The following KIAA1217 variants were observed in gnomAD, a reference collection of about 807,000 sequenced individuals.
The protein encoded by KIAA1217 is sickle tail protein homolog.
In KIAA1217, 88 loss-of-function variants were observed where a neutral mutation model predicts 163.9. The observed-to-expected ratio is 0.54, with a 90% CI of 0.45 to 0.64. KIAA1217 has a LOEUF of 0.64. Ranked by LOEUF, KIAA1217 falls within the 30% of genes least tolerant of loss-of-function variation. KIAA1217 has a pLI of 0.00. For missense variants in KIAA1217, 2,372 were observed against 2,475.0 expected (o/e 0.96, Z 0.88); for synonymous variants, 903 against 923.1 (o/e 0.98, Z 0.39).
chr10:24,123,311 T>C (rs1362265505), intron 2 of KIAA1217, among the ~76,000 whole-genome samples: 2 of 152,186 alleles, frequency 1.3e-5, no homozygotes, highest in Admixed American at 6.6e-5. Context: ...TGTATTTATA[T>C]TGATACCTAT....
At chr10:23,786,210 G>A (rs921945030) in intron 1 of KIAA1217, among the ~76,000 whole-genome samples, 5 of 152,102 alleles carry the variant, frequency 3.3e-5, no homozygotes, top group Non-Finnish European at 5.9e-5. Context: ...AGCTGAAAGA[G>A]TCTAGGAAGG....
intron 5 of KIAA1217, chr10:24,449,830 A>G: frequency 1.2e-6 from 1 of 805,612 alleles, no homozygotes; most frequent in Non-Finnish European, 1.5e-6. Context: ...TGGCACGTTT[A>G]TCTTTCATTA....
At chr10:24,497,668 C>T (rs574971016) in intron 8 of KIAA1217, among the ~76,000 whole-genome samples, 2 of 150,316 alleles carry the variant, frequency 1.3e-5, no homozygotes, top group South Asian at 2.1e-4. Flanking sequence ...TGCAGTAAGC[C>T]GAGATCAAGC....
At chr10:24,040,673 A>AT (rs941889005) in intron 2 of KIAA1217, among the ~76,000 whole-genome samples, 11 of 152,202 alleles carry the variant, frequency 7.2e-5, no homozygotes, top group African/African-American at 1.2e-4. Flanking sequence ...TTACTCCCAC[A>AT]TTTTTTCCTC....
At chr10:23,765,468 C>T (rs1333897091) in intron 1 of KIAA1217, among the ~76,000 whole-genome samples, 9 of 152,042 alleles carry the variant, frequency 5.9e-5, no homozygotes, top group African/African-American at 1.9e-4. Context: ...CCACCACGCC[C>T]GGTCTTTTGT....
chr10:24,473,702 C>T lies in KIAA1217; in HGVS notation c.1321C>T (p.Gln441Ter). ...GAGTGCTTATTGTAACCCCTCAATG[C>T]AAGCGGAAATGCATATGGAACAATC... ...SASAYCNPSM[Q>*]AEMHMEQSLY... Residue 441 changes from glutamine to a stop codon, truncating the protein, a stop_gained, in exon 6 of 21, where the codon CAA (glutamine) becomes TAA (stop). Coordinates refer to ENST00000376454, the MANE Select transcript of KIAA1217 (RefSeq NM_019590.5). LOFTEE classifies it high-confidence loss of function. 1 of 1,614,046 alleles carries T rather than the reference C, an allele frequency of 6.2e-7. No homozygotes were observed. Among genetic ancestry groups the T allele is most frequent in the Non-Finnish European group, 8.5e-7 (1 of 1,180,016 alleles).
chr10:24,113,309 G>A lies in KIAA1217; in HGVS notation c.-171+105935G>A, dbSNP rs559407283. ...TTCACAATTTAAGGTTATAACTAAT[G>A]TGCCCAAGTCCATTCCTGGTAAGCA... On this transcript the variant is annotated intron_variant, in intron 2 of 18. Transcript: ENST00000376462. Among the ~76,000 whole-genome samples, 3 of 152,252 alleles carry A rather than the reference G, an allele frequency of 2.0e-5. No individual in the cohort carries two copies. The South Asian group carries it at 6.2e-4, about 32-fold the overall frequency.
Position 24,290,586 on chromosome 10 carries a change from A to G in KIAA1217, c.354+70677A>G, listed in dbSNP as rs533701830. On this transcript the variant is annotated intron_variant, in intron 2 of 20. Coordinates refer to ENST00000376454, the MANE Select transcript of KIAA1217 (RefSeq NM_019590.5). ...AACAGGAAGAGAGTTTCAACAAAGCATAATATAAACAGATGTCTCTCTTTT... is the reference window on the plus strand; with the variant it reads ...AACAGGAAGAGAGTTTCAACAAAGCGTAATATAAACAGATGTCTCTCTTTT... Among the ~76,000 whole-genome samples the G allele has an allele frequency of 2.0e-5, 3 of 151,796 alleles. No homozygotes were observed. The South Asian group carries it at 6.2e-4, about 32-fold the overall frequency.
At chr10:23,696,296 C>T (rs552879544) in intron 1 of KIAA1217, among the ~76,000 whole-genome samples, 1 of 152,330 alleles carries the variant, frequency 6.6e-6, no homozygotes, top group African/African-American at 2.4e-5. Context: ...CCTGCTCTCA[C>T]CTGGGGAGGG....
intron 4 of KIAA1217, among the ~76,000 whole-genome samples, chr10:24,437,831 C>G (rs1308608301): frequency 1.7e-5 from 2 of 115,648 alleles, no homozygotes; most frequent in Non-Finnish European, 3.4e-5. Context: ...GATATTAGAT[C>G]TTTTTGGTAC....
At chr10:23,847,083 G>A (rs1221556108) in intron 1 of KIAA1217, among the ~76,000 whole-genome samples, 2 of 152,140 alleles carry the variant, frequency 1.3e-5, no homozygotes, top group Non-Finnish European at 2.9e-5. Flanking sequence ...CAGGTATGAA[G>A]CCAACTTGAT....
At position 23,832,456 on chromosome 10, in the gene KIAA1217, G is replaced by C. The variant is rs113645359; in HGVS notation, c.-321+137222G>C. 5.2e-3 allele frequency among the ~76,000 whole-genome samples: 793 copies of C among 152,192 alleles called. 11 individuals are homozygous for C. The highest frequency in any genetic ancestry group is 0.017 in the African/African-American group (716 of 41,524). On this transcript the variant is annotated intron_variant, in intron 1 of 18. Coordinates refer to the KIAA1217 transcript ENST00000376462. ...TTTTATGGAGACTTCATTGCATAAG[G>C]ATGTTTGATTACATCACTGGCCATT...
At position 24,200,438 on chromosome 10, in the gene KIAA1217, T is replaced by A. The variant is rs563756472; in HGVS notation, c.-170-19188T>A. Among the ~76,000 whole-genome samples, 3 of 151,912 alleles carry A rather than the reference T, an allele frequency of 2.0e-5. No individual in the cohort carries two copies. The East Asian group carries it at 5.8e-4, about 30-fold the overall frequency. ...ATGTAGCTAAGACTACAGACAAGAG[T>A]CACCAAGCCACCATGCCACTGAGCC... On this transcript the variant is annotated intron_variant, in intron 2 of 18. Coordinates refer to the KIAA1217 transcript ENST00000376462.
At chr10:24,198,671 T>G (rs2067106292) in intron 2 of KIAA1217, among the ~76,000 whole-genome samples, 1 of 151,446 alleles carries the variant, frequency 6.6e-6, no homozygotes, top group Non-Finnish European at 1.5e-5. Flanking sequence ...ATAAAGCTAG[T>G]CTTACTCCTT....
At chr10:23,824,775 G>A (rs1385946368) in intron 1 of KIAA1217, among the ~76,000 whole-genome samples, 2 of 149,904 alleles carry the variant, frequency 1.3e-5, no homozygotes, top group Non-Finnish European at 3.0e-5. Flanking sequence ...TTAACTGAAG[G>A]TCCTGTGGTG....
intron 2 of KIAA1217, among the ~76,000 whole-genome samples, chr10:24,327,307 T>C (rs576904942): frequency 6.6e-6 from 1 of 152,314 alleles, no homozygotes; most frequent in Admixed American, 6.5e-5. Flanking sequence ...AATTATGTTA[T>C]CTAAGTGAAA....
At chr10:24,067,398 T>C (rs2060995883) in intron 2 of KIAA1217, among the ~76,000 whole-genome samples, 1 of 152,238 alleles carries the variant, frequency 6.6e-6, no homozygotes, top group Admixed American at 6.5e-5. Context: ...TGGAGTTTAC[T>C]GGAGGTCCAC....
At chr10:23,740,210 G>A (rs1436472374) in intron 1 of KIAA1217, among the ~76,000 whole-genome samples, 1 of 152,128 alleles carries the variant, frequency 6.6e-6, no homozygotes, top group Non-Finnish European at 1.5e-5. Flanking sequence ...GCAAAGGAGG[G>A]AGTGCTGATA....
intron 5 of KIAA1217, among the ~76,000 whole-genome samples, chr10:24,464,616 G>C (rs1285362684): frequency 6.6e-6 from 1 of 152,072 alleles, no homozygotes; most frequent in Non-Finnish European, 1.5e-5. Context: ...CTCCCAAGTA[G>C]CTGGGAACAC....
Sources: gnomAD v4.1 joint callset for allele counts (sites outside exome capture counted in the v4.1 genomes callset) on GRCh38, gnomAD v4.1.1 for gene constraint, MANE v1.5 for transcripts, NCBI Gene and HGNC (gene_info 2026-07-23, HGNC 2026-07-21) for gene names.